DCUN1D3: variants seen among roughly 807,000 people sequenced by gnomAD.
DCUN1D3 encodes the protein defective in cullin neddylation 1 domain containing 3.
In DCUN1D3, 6 loss-of-function variants were observed where a neutral mutation model predicts 24.8. The ratio of observed to expected loss-of-function variants is 0.24; its 90% CI spans 0.13 to 0.48. The LOEUF (loss-of-function observed/expected upper bound fraction) is 0.48, where lower values mean the gene tolerates loss of function less well. Ranked by LOEUF, DCUN1D3 falls within the 20% of genes least tolerant of loss-of-function variation. The probability of loss-of-function intolerance (pLI) is 0.99; values close to 1 mark genes in which losing one functional copy is unlikely to be tolerated. For synonymous variants in DCUN1D3, 120 were observed against 144.9 expected (o/e 0.83, Z 1.24); for missense variants, 258 against 379.4 (o/e 0.68, Z 2.66).
chr16:20,880,059 C>A (rs1282353740), intron 1 of DCUN1D3, among the ~76,000 whole-genome samples: 2 of 152,134 alleles, frequency 1.3e-5, no homozygotes, highest in African/African-American at 4.8e-5. Context: ...CCCAGTAAGT[C>A]CTTAAACCGA....
rs138756527 is a variant in DCUN1D3 at position 20,862,997 on chromosome 16, G to A, written c.-105-354C>T. On this transcript the variant is annotated intron_variant, in intron 1 of 2. Coordinates refer to ENST00000324344, the MANE Select transcript of DCUN1D3 (RefSeq NM_173475.4). ...ACATAAGAAAAGTTATTTGGACCTGGGTTAAGCCAGAAGGCACAAAGGAAG... is the reference window on the plus strand; with the variant it reads ...ACATAAGAAAAGTTATTTGGACCTGAGTTAAGCCAGAAGGCACAAAGGAAG... 3.7e-3 allele frequency among the ~76,000 whole-genome samples: 560 copies of A among 152,316 alleles called. 5 individuals carry two copies. Among genetic ancestry groups the A allele is most frequent in the Non-Finnish European group, 4.1e-3 (277 of 68,024 alleles).
At chr16:20,890,967 A>C (rs1027930928) in intron 1 of DCUN1D3, among the ~76,000 whole-genome samples, 7 of 151,134 alleles carry the variant, frequency 4.6e-5, no homozygotes, top group Non-Finnish European at 1.0e-4. Context: ...CAAAGAGAAC[A>C]TGGATGTTGT....
At chr16:20,863,411 G>C (rs1196853467) in intron 1 of DCUN1D3, among the ~76,000 whole-genome samples, 3 of 152,156 alleles carry the variant, frequency 2.0e-5, no homozygotes, top group Admixed American at 2.0e-4. Context: ...AGGGCCTATA[G>C]GCTGAGCCTT....
intron 1 of DCUN1D3, among the ~76,000 whole-genome samples, chr16:20,896,707 A>G (rs547438242): frequency 6.6e-6 from 1 of 152,350 alleles, no homozygotes; most frequent in East Asian, 1.9e-4. Flanking sequence ...TATGCCAAGC[A>G]TCAGCATATA....
chr16:20,856,074 T>C lies in DCUN1D3; in HGVS notation c.*3812A>G, dbSNP rs1596625228. 6.6e-6 allele frequency: 1 copy of C among 152,132 alleles called. No homozygotes were observed. The highest frequency in any genetic ancestry group is 6.5e-5 in the Admixed American group (1 of 15,280). 9.4% of individuals were successfully genotyped at this position (152,132 alleles called of 1,614,324 possible). On this transcript the variant is annotated 3_prime_UTR_variant, in exon 3 of 3. Coordinates refer to ENST00000324344, the MANE Select transcript of DCUN1D3 (RefSeq NM_173475.4). ...AGCTTTCTTCTACGCCTTAACCTTA[T>C]AATTGCATAACTGAGTCTACACCTT...
chr16:20,855,761 CCTT>C lies in DCUN1D3; in HGVS notation c.*4122_*4124del, dbSNP rs2081699561. 1 of 152,348 alleles carries C rather than the reference CCTT, an allele frequency of 6.6e-6. No homozygotes were observed. The highest frequency in any genetic ancestry group is 1.5e-5 in the Non-Finnish European group (1 of 68,058). The allele number at this position is 152,348 out of a possible 1,614,324, so 9.4% of individuals were successfully genotyped here. A position where few individuals can be genotyped will look rare whatever the true frequency, so the allele number is the denominator to read the frequency against. On this transcript the variant is annotated 3_prime_UTR_variant, in exon 3 of 3. Transcript: ENST00000324344. ...TCTGAGGGGGATGGATGGTTCGGAA[CCTT>C]CTTTATATGATCAGAAAACACACTG...
At chr16:20,885,458 A>G (rs1212588269) in intron 1 of DCUN1D3, among the ~76,000 whole-genome samples, 1 of 152,170 alleles carries the variant, frequency 6.6e-6, no homozygotes, top group Non-Finnish European at 1.5e-5. Context: ...GATCACTTGC[A>G]AACACAGACC....
intron 1 of DCUN1D3, among the ~76,000 whole-genome samples, chr16:20,869,768 T>C (rs540658180): frequency 6.6e-6 from 1 of 152,316 alleles, no homozygotes; most frequent in East Asian, 1.9e-4. Context: ...ATCTTCATTT[T>C]ACAGAGGGAG....
chr16:20,859,735 T>C lies in DCUN1D3; in HGVS notation c.*151A>G, dbSNP rs1292398039. ...AATGAAGAAAGTGCCTAAAACATGATACAGCATTTTAGAGCCCTTTCAGAT... is the reference window on the plus strand; with the variant it reads ...AATGAAGAAAGTGCCTAAAACATGACACAGCATTTTAGAGCCCTTTCAGAT... On this transcript the variant is annotated 3_prime_UTR_variant, in exon 3 of 3. Transcript: ENST00000324344. 3 of 1,075,592 alleles carry C rather than the reference T, an allele frequency of 2.8e-6. No homozygotes were observed. The highest frequency in any genetic ancestry group is 2.7e-5 in the East Asian group (1 of 37,712). The allele number at this position is 1,075,592 out of a possible 1,614,324, so 66.6% of individuals were successfully genotyped here. A position where few individuals can be genotyped will look rare whatever the true frequency, so the allele number is the denominator to read the frequency against.
chr16:20,867,698 G>A (rs980908014), intron 1 of DCUN1D3, among the ~76,000 whole-genome samples: 1 of 152,218 alleles, frequency 6.6e-6, no homozygotes, highest in Non-Finnish European at 1.5e-5. Flanking sequence ...AGTAGTAGTA[G>A]TAGCTCAGTA....
At chr16:20,868,359 G>A (rs1303477686) in intron 1 of DCUN1D3, among the ~76,000 whole-genome samples, 1 of 152,348 alleles carries the variant, frequency 6.6e-6, no homozygotes, top group East Asian at 1.9e-4. Flanking sequence ...ACAAACTGAG[G>A]TCAAGGAGTC....
At chr16:20,875,210 GCA>G (rs3222584) in intron 1 of DCUN1D3, among the ~76,000 whole-genome samples, 40,309 of 139,808 alleles carry the variant, frequency 0.29, 5,619 homozygotes, top group Middle Eastern at 0.36. Context: ...GTGCGCTCAT[GCA>G]CACACACACA....
chr16:20,864,658 A>G lies in DCUN1D3; in HGVS notation c.-105-2015T>C, dbSNP rs1596629381. ...TTACTGGGCATATACCCAGATGAAT[A>G]AAAACCATTCTGCCACAAAGACACA... On this transcript the variant is annotated intron_variant, in intron 1 of 2. Coordinates refer to ENST00000324344, the MANE Select transcript of DCUN1D3 (RefSeq NM_173475.4). Among the ~76,000 whole-genome samples the G allele has an allele frequency of 7.9e-5, 12 of 152,346 alleles. 1 individual carries two copies. The highest frequency in any genetic ancestry group is 7.8e-4 in the Admixed American group (12 of 15,296).
chr16:20,866,299 T>G (rs2081761761), intron 1 of DCUN1D3, among the ~76,000 whole-genome samples: 1 of 152,160 alleles, frequency 6.6e-6, no homozygotes. Context: ...AAACCCCACA[T>G]GCTCACAGAC....
chr16:20,878,783 C>A (rs1308251039), intron 1 of DCUN1D3, among the ~76,000 whole-genome samples: 1 of 152,138 alleles, frequency 6.6e-6, no homozygotes, highest in East Asian at 1.9e-4. Context: ...AAGCACATAC[C>A]TTATCAAAGA....
At chr16:20,892,611 G>T (rs1198199042) in intron 1 of DCUN1D3, among the ~76,000 whole-genome samples, 3 of 152,130 alleles carry the variant, frequency 2.0e-5, no homozygotes, top group Admixed American at 2.0e-4. Flanking sequence ...TCTGTCCATG[G>T]ATCCACCTGG....
Position 20,860,450 on chromosome 16 carries a change from G to T in DCUN1D3, c.432-81C>A. On this transcript the variant is annotated intron_variant, in intron 2 of 2. Transcript: ENST00000324344. The surrounding 1 kb of genome is among the most constrained non-coding windows in gnomAD (Gnocchi z 4.3). ...AATATACATAGTGATTAAGAGCAAG[G>T]CTTTCAGGCCAGATGGTCTGAATTT... 1 of 1,430,260 alleles carries T rather than the reference G, an allele frequency of 7.0e-7. No homozygotes were observed. The highest frequency in any genetic ancestry group is 9.3e-7 in the Non-Finnish European group (1 of 1,070,610). 88.6% of individuals were successfully genotyped at this position (1,430,260 alleles called of 1,614,324 possible).
intron 1 of DCUN1D3, among the ~76,000 whole-genome samples, chr16:20,877,488 G>A (rs961233707): frequency 6.6e-6 from 1 of 152,038 alleles, no homozygotes; most frequent in South Asian, 2.1e-4. Context: ...TGCCTTATTC[G>A]CCACTTTACC....
At chr16:20,896,662 G>C (rs1025784728) in intron 1 of DCUN1D3, among the ~76,000 whole-genome samples, 7 of 152,138 alleles carry the variant, frequency 4.6e-5, no homozygotes, top group Non-Finnish European at 8.8e-5. Flanking sequence ...TGAAAATGAA[G>C]TGGAGAGCTT....
Sources: gnomAD v4.1 joint callset for allele counts (sites outside exome capture counted in the v4.1 genomes callset) on GRCh38, gnomAD v4.1.1 for gene constraint, Gnocchi (gnomAD v3.1) non-coding constraint, MANE v1.5 for transcripts, NCBI Gene and HGNC (gene_info 2026-07-23, HGNC 2026-07-21) for gene names.